TSHZ2: variants seen among roughly 807,000 people sequenced by gnomAD.
TSHZ2 encodes the protein teashirt zinc finger homeobox 2.
In TSHZ2, 21 loss-of-function variants were observed where a neutral mutation model predicts 74.4. The ratio of observed to expected loss-of-function variants is 0.28; its 90% CI spans 0.20 to 0.41. The LOEUF (loss-of-function observed/expected upper bound fraction) is 0.41. TSHZ2 is among the 10% of genes least tolerant of loss of function. The pLI is 1.00. For synonymous variants in TSHZ2, 540 were observed against 515.3 expected (o/e 1.05, Z -0.65); for missense variants, 1,244 against 1,293.5 (o/e 0.96, Z 0.59).
intron 2 of TSHZ2, among the ~76,000 whole-genome samples, chr20:53,460,404 C>T (rs1298829691): frequency 2.0e-5 from 3 of 152,224 alleles, no homozygotes; most frequent in Non-Finnish European, 2.9e-5. Flanking sequence ...TCCATCAGCT[C>T]CTTTAAGCAC....
At chr20:53,093,990 T>A in intron 1 of TSHZ2, among the ~76,000 whole-genome samples, 1 of 8,690 alleles carries the variant, frequency 1.2e-4, no homozygotes, top group South Asian at 3.1e-3. Flanking sequence ...TTGACTTAGT[T>A]TTTTTTTTTT....
At chr20:53,307,540 A>G (rs114991355) in intron 2 of TSHZ2, among the ~76,000 whole-genome samples, 2,261 of 152,250 alleles carry the variant, frequency 0.015, 52 homozygotes, top group African/African-American at 0.051. Context: ...CATTAGTGTC[A>G]CCTGGGGAGC....
chr20:53,009,796 G>A (rs1265681912), intron 1 of TSHZ2, among the ~76,000 whole-genome samples: 1 of 152,046 alleles, frequency 6.6e-6, no homozygotes, highest in Non-Finnish European at 1.5e-5. Flanking sequence ...GCAGACCCTT[G>A]GACCAACCAC....
intron 1 of TSHZ2, among the ~76,000 whole-genome samples, chr20:52,999,183 G>A (rs1982318699): frequency 1.3e-5 from 2 of 152,132 alleles, no homozygotes; most frequent in Non-Finnish European, 2.9e-5. Context: ...TGGAATCAGA[G>A]TGGTTCTCCA....
intron 2 of TSHZ2, among the ~76,000 whole-genome samples, chr20:53,357,269 A>G (rs1980880888): frequency 1.3e-5 from 2 of 152,230 alleles, no homozygotes; most frequent in South Asian, 2.1e-4. Context: ...TTGACATTAT[A>G]ATTAATGTAT....
intron 1 of TSHZ2, among the ~76,000 whole-genome samples, chr20:53,133,548 G>A (rs1283771627): frequency 6.6e-6 from 1 of 152,190 alleles, no homozygotes; most frequent in Non-Finnish European, 1.5e-5. Context: ...ATGCAAGCAG[G>A]CAGCTCGTCA....
In TSHZ2 at chr20:53,461,066, C is replaced by G. The variant is rs1195866642; in HGVS notation, c.*9-26078C>G. Among the ~76,000 whole-genome samples, 53 of 152,294 alleles carry G rather than the reference C, an allele frequency of 3.5e-4. No individual in the cohort carries two copies. The South Asian group carries it at 4.4e-3, about 13-fold the overall frequency. ...GGCCTCCTTGAGCTGTGGTGGGCTC[C>G]ACCCAGTTCGAGCTTCCCGGCTGCT... On this transcript the variant is annotated intron_variant, in intron 2 of 2. Coordinates refer to ENST00000371497, the MANE Select transcript of TSHZ2 (RefSeq NM_173485.6).
At chr20:53,177,696 A>G (rs1988378214) in intron 1 of TSHZ2, among the ~76,000 whole-genome samples, 2 of 151,876 alleles carry the variant, frequency 1.3e-5, no homozygotes, top group South Asian at 4.1e-4. Flanking sequence ...AGTTTCTTCT[A>G]TCTAAAAGTT....
intron 1 of TSHZ2, among the ~76,000 whole-genome samples, chr20:52,989,229 GTTTA>G (rs1981887328): frequency 1.4e-5 from 2 of 144,970 alleles, no homozygotes; most frequent in Non-Finnish European, 3.0e-5. Flanking sequence ...TAACATTTTT[GTTTA>G]TTTATTTCCT....
intron 1 of TSHZ2, among the ~76,000 whole-genome samples, chr20:53,088,182 C>T (rs967657031): frequency 6.6e-6 from 1 of 152,094 alleles, no homozygotes; most frequent in Non-Finnish European, 1.5e-5. Context: ...TCTTGAGGTC[C>T]AGCACTGGGG....
intron 1 of TSHZ2, among the ~76,000 whole-genome samples, chr20:53,186,625 C>T (rs1490837258): frequency 2.0e-5 from 3 of 152,116 alleles, no homozygotes; most frequent in Non-Finnish European, 4.4e-5. Flanking sequence ...CGAGGTACCC[C>T]CATTATTGAA....
chr20:53,385,521 T>G (rs1251847620), intron 2 of TSHZ2, among the ~76,000 whole-genome samples: 1 of 152,128 alleles, frequency 6.6e-6, no homozygotes, highest in Non-Finnish European at 1.5e-5. Flanking sequence ...TTAGCAGTCA[T>G]GGGAAGAATG....
chr20:53,197,594 C>T (rs1363039006), intron 1 of TSHZ2, among the ~76,000 whole-genome samples: 1 of 152,170 alleles, frequency 6.6e-6, no homozygotes, highest in Non-Finnish European at 1.5e-5. Context: ...TGCCATCAAG[C>T]ATATAATTTA....
At position 53,483,088 on chromosome 20, in the gene TSHZ2, C is replaced by T. The variant is rs557862939; in HGVS notation, c.*9-4056C>T. Among the ~76,000 whole-genome samples, 10 of 152,266 alleles carry T rather than the reference C, an allele frequency of 6.6e-5. No homozygotes were observed. The East Asian group carries it at 1.9e-3, about 29-fold the overall frequency. On this transcript the variant is annotated intron_variant, in intron 2 of 2. Transcript: ENST00000371497. ...AGGAGACTTCTCCAATAGAAATACT[C>T]CCATAGCTAAGTTTTATAAAAGACA...
At chr20:53,424,087 GT>G (rs1983576452) in intron 2 of TSHZ2, among the ~76,000 whole-genome samples, 1 of 152,242 alleles carries the variant, frequency 6.6e-6, no homozygotes, top group Non-Finnish European at 1.5e-5. Context: ...AACTTGCACT[GT>G]TTTGCTTCCC....
chr20:53,402,938 C>CCCAAATT (rs1982720684), intron 2 of TSHZ2, among the ~76,000 whole-genome samples: 1 of 152,190 alleles, frequency 6.6e-6, no homozygotes, highest in East Asian at 1.9e-4. Context: ...AACATCAACT[C>CCCAAATT]CCAAATTTCA....
intron 1 of TSHZ2, among the ~76,000 whole-genome samples, chr20:53,207,643 C>G (rs73148636): frequency 0.047 from 7,120 of 152,072 alleles, 487 homozygotes; most frequent in East Asian, 0.32. Context: ...TTCCAGATCA[C>G]AGATTTGGGG....
chr20:53,202,008 C>T (rs1006497080), intron 1 of TSHZ2, among the ~76,000 whole-genome samples: 4 of 152,194 alleles, frequency 2.6e-5, no homozygotes, highest in African/African-American at 9.7e-5. Flanking sequence ...CTCTGCCCAT[C>T]GCTAACCACC....
intron 2 of TSHZ2, among the ~76,000 whole-genome samples, chr20:53,337,553 G>A (rs1295250444): frequency 6.6e-6 from 1 of 152,224 alleles, no homozygotes; most frequent in Non-Finnish European, 1.5e-5. Context: ...TATACCCAGG[G>A]ATGTCAGCTG....
Sources: gnomAD v4.1 joint callset for allele counts (sites outside exome capture counted in the v4.1 genomes callset) on GRCh38, gnomAD v4.1.1 for gene constraint, MANE v1.5 for transcripts, NCBI Gene and HGNC (gene_info 2026-07-23, HGNC 2026-07-21) for gene names.